Variants in PIGN observed in about 807,000 individuals in gnomAD.
The protein encoded by PIGN is GPI ethanolamine phosphate transferase 1.
In PIGN, 117 loss-of-function variants were observed where a neutral mutation model predicts 125.4. That is an observed-to-expected ratio of 0.93 (90% CI 0.80 to 1.09). PIGN has a LOEUF of 1.09. Ranked by LOEUF, PIGN falls within the 50% of genes least tolerant of loss-of-function variation. PIGN has a pLI of 0.00. For synonymous variants in PIGN, 392 were observed against 377.8 expected (o/e 1.04, Z -0.44); for missense variants, 1,075 against 1,094.9 (o/e 0.98, Z 0.26).
chr18:62,050,410 C>T (rs2031175619), intron 30 of PIGN, among the ~76,000 whole-genome samples: 1 of 152,134 alleles, frequency 6.6e-6, no homozygotes, highest in Non-Finnish European at 1.5e-5. Flanking sequence ...TGAAGAGGTC[C>T]TTCATGTCCC....
chr18:62,155,740 T>C (rs1189368404), intron 6 of PIGN, among the ~76,000 whole-genome samples: 2 of 79,702 alleles, frequency 2.5e-5, no homozygotes, highest in South Asian at 4.9e-4. Context: ...CATTAGACTA[T>C]CTCTAATTCA....
At position 62,145,313 on chromosome 18, in the gene PIGN, G is replaced by A. The variant is rs1022090569; in HGVS notation, c.922+596C>T. Among the ~76,000 whole-genome samples, 3 of 152,084 alleles carry A rather than the reference G, an allele frequency of 2.0e-5. No individual in the cohort carries two copies. The South Asian group carries it at 6.2e-4, about 32-fold the overall frequency. On this transcript the variant is annotated intron_variant, in intron 10 of 30. Coordinates refer to ENST00000640252, the MANE Select transcript of PIGN (RefSeq NM_176787.5). ...TGTCTCCCCTGTGGACCTATGATGTGGCATGATGCTCTCCATTAGCACTTA... is the reference window on the plus strand; with the variant it reads ...TGTCTCCCCTGTGGACCTATGATGTAGCATGATGCTCTCCATTAGCACTTA...
At chr18:62,111,536 G>A (rs1026556431) in intron 16 of PIGN, among the ~76,000 whole-genome samples, 8 of 152,016 alleles carry the variant, frequency 5.3e-5, no homozygotes, top group African/African-American at 9.7e-5. Flanking sequence ...TTTTGTAGTC[G>A]AGTGTAGATA....
chr18:62,054,911 A>G (rs1164778425), intron 30 of PIGN, among the ~76,000 whole-genome samples: 1 of 152,268 alleles, frequency 6.6e-6, no homozygotes, highest in East Asian at 1.9e-4. Context: ...ACGTTTCATC[A>G]AAGAGGATAT....
chr18:62,051,424 T>A (rs193283527), intron 30 of PIGN, among the ~76,000 whole-genome samples: 2,333 of 152,278 alleles, frequency 0.015, 26 homozygotes, highest in Non-Finnish European at 0.025. Context: ...CCTGGTTTAG[T>A]CTTGGGAGGG....
intron 14 of PIGN, among the ~76,000 whole-genome samples, chr18:62,129,949 C>T (rs1055047271): frequency 7.9e-5 from 12 of 152,170 alleles, no homozygotes; most frequent in African/African-American, 2.6e-4. Flanking sequence ...TTAGGGTGAA[C>T]CTTAAATCTA....
At position 62,113,242 on chromosome 18, in the gene PIGN, A is replaced by G. The variant is rs1300617258; in HGVS notation, c.1326T>C (p.Phe442=). Residue 442 remains phenylalanine, a synonymous_variant, in exon 16 of 31, where the codon TTT becomes TTC. Coordinates refer to ENST00000640252, the MANE Select transcript of PIGN (RefSeq NM_176787.5). ...AACCAATAACAACATTGACGCCCAA[A>G]AAGAATCTGTCATATGTGTGATAAT... The part of the protein sequence containing the change: ...LSYYHTYDRF[F]LGVNVVIGFV... 6.2e-7 allele frequency: 1 copy of G among 1,613,148 alleles called. No homozygotes were observed. Among genetic ancestry groups the G allele is most frequent in the African/African-American group, 1.3e-5 (1 of 75,040 alleles).
chr18:62,055,855 T>C (rs1262620067), intron 30 of PIGN, among the ~76,000 whole-genome samples: 1 of 151,846 alleles, frequency 6.6e-6, no homozygotes, highest in Non-Finnish European at 1.5e-5. Context: ...GGGACTATAA[T>C]TTTTATCTCT....
chr18:62,039,237 T>C (rs889665083), downstream of PIGN, among the ~76,000 whole-genome samples: 1 of 152,120 alleles, frequency 6.6e-6, no homozygotes, highest in Non-Finnish European at 1.5e-5. Flanking sequence ...ACAATAGTTT[T>C]ATAGAAAATT....
chr18:62,165,774 A>C (rs1340663659), intron 1 of PIGN, among the ~76,000 whole-genome samples: 1 of 152,196 alleles, frequency 6.6e-6, no homozygotes, highest in Non-Finnish European at 1.5e-5. Context: ...GTTAACTGTC[A>C]GATCTGCTTA....
intron 3 of PIGN, among the ~76,000 whole-genome samples, chr18:62,161,967 C>T (rs1376562940): frequency 6.6e-6 from 1 of 152,048 alleles, no homozygotes; most frequent in Non-Finnish European, 1.5e-5. Context: ...TATTCTATCA[C>T]ATTTGGCAGA....
chr18:62,134,223 T>C (rs2035845156), intron 14 of PIGN, among the ~76,000 whole-genome samples: 1 of 152,000 alleles, frequency 6.6e-6, no homozygotes, highest in South Asian at 2.1e-4. Context: ...TGAAACCCCA[T>C]CTCTACTAAA....
At chr18:62,050,951 G>C (rs1004385027) in intron 30 of PIGN, among the ~76,000 whole-genome samples, 16 of 151,344 alleles carry the variant, frequency 1.1e-4, no homozygotes, top group Non-Finnish European at 1.9e-4. Flanking sequence ...TGCATCTATT[G>C]AGATAATCAT....
chr18:62,034,588 A>G (rs1333189359), intron 23 of PIGN, among the ~76,000 whole-genome samples: 1 of 152,240 alleles, frequency 6.6e-6, no homozygotes, highest in Non-Finnish European at 1.5e-5. Flanking sequence ...TGGATGTGAG[A>G]CATGGAGTCA....
chr18:62,049,936 GCAC>G (rs1175259376), intron 30 of PIGN, among the ~76,000 whole-genome samples: 1 of 148,656 alleles, frequency 6.7e-6, no homozygotes, highest in Non-Finnish European at 1.5e-5. Context: ...AGTTTTCCCA[GCAC>G]CATTTATTAA....
chr18:62,051,904 T>C (rs1043073832), intron 30 of PIGN: 1 of 152,056 alleles, frequency 6.6e-6, no homozygotes, highest in Non-Finnish European at 1.5e-5. Flanking sequence ...ATGTTGTGTC[T>C]TTGTTCTCAT....
chr18:62,157,875 A>C, intron 4 of PIGN, 67 bp from the exon 5 acceptor site: 6 of 1,426,160 alleles, frequency 4.2e-6, no homozygotes, highest in Non-Finnish European at 4.8e-6. Flanking sequence ...AAAGCTTTAG[A>C]AACATAAGAT....
chr18:62,093,442 T>C (rs1262744489), intron 23 of PIGN, among the ~76,000 whole-genome samples: 1 of 152,028 alleles, frequency 6.6e-6, no homozygotes, highest in Non-Finnish European at 1.5e-5. Context: ...TAATGAAAAC[T>C]TACTAAATTA....
chr18:62,157,056 A>C lies in PIGN; in HGVS notation c.442+73T>G, dbSNP rs1055076024. 1.1e-5 allele frequency: 7 copies of C among 623,690 alleles called. No individual in the cohort carries two copies. The Admixed American group carries it at 1.7e-4, about 15-fold the overall frequency. The allele number at this position is 623,690 out of a possible 1,614,324, so 38.6% of individuals were successfully genotyped here. A position where few individuals can be genotyped will look rare whatever the true frequency, so the allele number is the denominator to read the frequency against. On this transcript the variant is annotated intron_variant, in intron 6 of 30. Coordinates refer to ENST00000640252, the MANE Select transcript of PIGN (RefSeq NM_176787.5). The stretch of plus-strand genomic sequence containing the variant: ...AAAAATCAACACATACATTACATAC[A>C]TAAAAATAGAAAACTACCATATTGA...
Sources: gnomAD v4.1 joint callset for allele counts (sites outside exome capture counted in the v4.1 genomes callset) on GRCh38, gnomAD v4.1.1 for gene constraint, MANE v1.5 for transcripts, NCBI Gene and HGNC (gene_info 2026-07-23, HGNC 2026-07-21) for gene names.